The following AGBL4 variants were observed in gnomAD, a reference collection of about 807,000 sequenced individuals.
AGBL4 encodes the protein AGBL carboxypeptidase 4.
A neutral mutation model predicts 66.4 loss-of-function variants in AGBL4; 58 were observed. The ratio of observed to expected loss-of-function variants is 0.87; its 90% CI spans 0.71 to 1.09. AGBL4 has a LOEUF of 1.09. Ranked by LOEUF, AGBL4 falls within the 50% of genes least tolerant of loss-of-function variation. The pLI, the probability that AGBL4 is intolerant of heterozygous loss-of-function variation, is 0.00. For synonymous variants in AGBL4, 234 were observed against 222.9 expected (o/e 1.05, Z -0.44); for missense variants, 579 against 631.0 (o/e 0.92, Z 0.88).
At chr1:48,598,343 G>T (rs1439133066) in intron 9 of AGBL4, among the ~76,000 whole-genome samples, 1 of 152,092 alleles carries the variant, frequency 6.6e-6, no homozygotes, top group Non-Finnish European at 1.5e-5. Flanking sequence ...TGCATCACTA[G>T]GTTATTTCAT....
chr1:50,008,878 T>C (rs1267657321), intron 1 of AGBL4, among the ~76,000 whole-genome samples: 4 of 151,966 alleles, frequency 2.6e-5, no homozygotes, highest in African/African-American at 9.7e-5. Context: ...ACCAACCATA[T>C]GCCAATCAAA....
At chr1:48,540,228 C>G in intron 11 of AGBL4, among the ~76,000 whole-genome samples, 1 of 152,140 alleles carries the variant, frequency 6.6e-6, no homozygotes, top group East Asian at 1.9e-4. Context: ...AATGGTAAAA[C>G]CCTGTGACCC....
chr1:48,784,679 G>A (rs1645370908), intron 6 of AGBL4, among the ~76,000 whole-genome samples: 2 of 152,152 alleles, frequency 1.3e-5, no homozygotes, highest in African/African-American at 4.8e-5. Context: ...TGTGCACATT[G>A]GCTTGAAGTT....
At chr1:49,718,885 A>G (rs1648373779) in intron 2 of AGBL4, among the ~76,000 whole-genome samples, 1 of 152,066 alleles carries the variant, frequency 6.6e-6, no homozygotes, top group South Asian at 2.1e-4. Flanking sequence ...TTCTTTCTCT[A>G]TTCTAAAAGT....
At chr1:48,619,723 T>C (rs1645378580) in intron 9 of AGBL4, among the ~76,000 whole-genome samples, 1 of 152,204 alleles carries the variant, frequency 6.6e-6, no homozygotes, top group African/African-American at 2.4e-5. Flanking sequence ...TCCCGACTGC[T>C]GAGTCTGCAT....
At chr1:48,776,642 G>C in intron 6 of AGBL4, 1 of 1,484,458 alleles carries the variant, frequency 6.7e-7, no homozygotes, top group Non-Finnish European at 8.9e-7. Context: ...TGGAGCAACA[G>C]CGCGCCCCAG....
At chr1:48,717,732 T>C (rs984480665) in intron 6 of AGBL4, among the ~76,000 whole-genome samples, 1 of 152,192 alleles carries the variant, frequency 6.6e-6, no homozygotes, top group African/African-American at 2.4e-5. Context: ...CTCTCAGTCA[T>C]TGCTGATTAC....
At chr1:48,992,685 A>G (rs1374224976) in intron 5 of AGBL4, among the ~76,000 whole-genome samples, 1 of 152,024 alleles carries the variant, frequency 6.6e-6, no homozygotes, top group Non-Finnish European at 1.5e-5. Context: ...CTGAGCTTAC[A>G]CCCAAGCACA....
intron 5 of AGBL4, among the ~76,000 whole-genome samples, chr1:48,916,731 G>A (rs1294929244): frequency 6.6e-6 from 1 of 152,130 alleles, no homozygotes; most frequent in Admixed American, 6.5e-5. Flanking sequence ...CCTCCACCAG[G>A]GGGTATCCCA....
At chr1:49,221,209 CA>C (rs1292411374) in intron 4 of AGBL4, among the ~76,000 whole-genome samples, 2 of 151,174 alleles carry the variant, frequency 1.3e-5, no homozygotes, top group African/African-American at 4.9e-5. Context: ...ATTTTTGTTT[CA>C]AAAAAAACAA....
chr1:48,737,448 A>T lies in AGBL4; in HGVS notation c.635-74207T>A, dbSNP rs553229475. Among the ~76,000 whole-genome samples, 3 of 152,286 alleles carry T rather than the reference A, an allele frequency of 2.0e-5. No homozygotes were observed. In the East Asian group the frequency reaches 5.8e-4, roughly 29 times the overall value. On this transcript the variant is annotated intron_variant, in intron 6 of 13. Transcript: ENST00000371839. Reference sequence around the variant, plus strand: ...AAGTAAGGAGAGCAGCTGCCCTGCCAATTGGAGTAGGGCTGTGCCAGTCCT... The same window carrying T: ...AAGTAAGGAGAGCAGCTGCCCTGCCTATTGGAGTAGGGCTGTGCCAGTCCT...
intron 1 of AGBL4, among the ~76,000 whole-genome samples, chr1:49,939,867 A>G (rs567081927): frequency 6.6e-6 from 1 of 152,330 alleles, no homozygotes; most frequent in Admixed American, 6.5e-5. Flanking sequence ...TAATTAAACT[A>G]AAGAGCTTCT....
At chr1:48,586,846 G>T in intron 11 of AGBL4, 158 bp downstream of exon 11, 2 of 948,550 alleles carry the variant, frequency 2.1e-6, no homozygotes, top group African/African-American at 1.6e-5. Flanking sequence ...GAGGCAAACT[G>T]GACAATCCAA....
At chr1:49,371,148 C>T (rs1190172676) in intron 3 of AGBL4, among the ~76,000 whole-genome samples, 1 of 152,170 alleles carries the variant, frequency 6.6e-6, no homozygotes, top group Non-Finnish European at 1.5e-5. Flanking sequence ...GCTCTCCAGA[C>T]TGCCAGCCTC....
At chr1:49,521,571 C>G (rs1019854837) in intron 3 of AGBL4, among the ~76,000 whole-genome samples, 1 of 151,924 alleles carries the variant, frequency 6.6e-6, no homozygotes, top group African/African-American at 2.4e-5. Context: ...ATTCAATAAA[C>G]AGTGCTGGGA....
intron 6 of AGBL4, among the ~76,000 whole-genome samples, chr1:48,669,915 C>T (rs1395995184): frequency 6.6e-6 from 1 of 152,172 alleles, no homozygotes; most frequent in Non-Finnish European, 1.5e-5. Context: ...CACCCCCATT[C>T]CCTCCCGTAG....
At chr1:49,266,973 G>T (rs977712871) in intron 3 of AGBL4, among the ~76,000 whole-genome samples, 1 of 152,176 alleles carries the variant, frequency 6.6e-6, no homozygotes, top group South Asian at 2.1e-4. Context: ...GGTCTCTGTA[G>T]AGTCAGCTGA....
intron 6 of AGBL4, among the ~76,000 whole-genome samples, chr1:48,828,069 A>C (rs1646469394): frequency 6.7e-6 from 1 of 149,534 alleles, no homozygotes; most frequent in African/African-American, 2.5e-5. Context: ...GGTGGTATGC[A>C]CCTGTAGTCC....
chr1:49,048,742 A>G (rs1644141052), intron 4 of AGBL4, among the ~76,000 whole-genome samples: 1 of 152,060 alleles, frequency 6.6e-6, no homozygotes, highest in African/African-American at 2.4e-5. Flanking sequence ...TCCTCATAAT[A>G]ACCTTATGAG....
Sources: gnomAD v4.1 joint callset for allele counts (sites outside exome capture counted in the v4.1 genomes callset) on GRCh38, gnomAD v4.1.1 for gene constraint, MANE v1.5 for transcripts, NCBI Gene and HGNC (gene_info 2026-07-23, HGNC 2026-07-21) for gene names.